Variants in VWC2 observed in about 807,000 individuals in gnomAD.
The protein encoded by VWC2 is von Willebrand factor C domain containing 2.
Under a neutral mutation model 29.8 loss-of-function variants are expected in VWC2, and 14 were observed. The observed-to-expected ratio is 0.47, with a 90% confidence interval of 0.31 to 0.74. VWC2 has a LOEUF of 0.74. Ranked by LOEUF, VWC2 falls within the 30% of genes least tolerant of loss-of-function variation. VWC2 has a pLI of 0.05. For missense variants in VWC2, 457 were observed against 459.8 expected, an observed-to-expected ratio of 0.99 and a Z score of 0.05; for synonymous variants, 213 against 199.0, an observed-to-expected ratio of 1.07 and a Z score of -0.59.
intron 3 of VWC2, among the ~76,000 whole-genome samples, chr7:49,808,267 C>G (rs1375980744): frequency 6.6e-6 from 1 of 151,976 alleles, no homozygotes; most frequent in Non-Finnish European, 1.5e-5. Context: ...AATTGTATAT[C>G]TAATTTTAAA....
intron 3 of VWC2, among the ~76,000 whole-genome samples, chr7:49,857,185 T>A (rs1374893078): frequency 6.6e-6 from 1 of 152,102 alleles, no homozygotes; most frequent in Non-Finnish European, 1.5e-5. Context: ...ACTTTCTACT[T>A]ACCCCTACCC....
At chr7:49,837,579 G>A (rs1789693507) in intron 3 of VWC2, among the ~76,000 whole-genome samples, 1 of 152,170 alleles carries the variant, frequency 6.6e-6, no homozygotes, top group Non-Finnish European at 1.5e-5. Flanking sequence ...ATCAGTCATG[G>A]CACTTGCTGG....
intron 3 of VWC2, among the ~76,000 whole-genome samples, chr7:49,853,624 C>A (rs993295206): frequency 1.3e-5 from 2 of 151,830 alleles, no homozygotes; most frequent in Non-Finnish European, 2.9e-5. Context: ...ACATACTTTA[C>A]GTAACATAAA....
At chr7:49,824,293 G>A (rs930414399) in intron 3 of VWC2, among the ~76,000 whole-genome samples, 1 of 152,116 alleles carries the variant, frequency 6.6e-6, no homozygotes, top group Non-Finnish European at 1.5e-5. Flanking sequence ...TTTTGCCCAT[G>A]TTGATATCTA....
At chr7:49,815,807 A>G (rs1200455888) in intron 3 of VWC2, among the ~76,000 whole-genome samples, 1 of 152,212 alleles carries the variant, frequency 6.6e-6, no homozygotes, top group Non-Finnish European at 1.5e-5. Context: ...CTTTGTGTCA[A>G]TTAAATACCA....
chr7:49,784,685 G>A (rs1336820469), intron 2 of VWC2, among the ~76,000 whole-genome samples: 1 of 152,250 alleles, frequency 6.6e-6, no homozygotes, highest in Non-Finnish European at 1.5e-5. Context: ...ATTGCCATCT[G>A]TAGCAGGCTT....
At chr7:49,848,830 A>G (rs1242188421) in intron 3 of VWC2, among the ~76,000 whole-genome samples, 1 of 152,226 alleles carries the variant, frequency 6.6e-6, no homozygotes, top group Non-Finnish European at 1.5e-5. Context: ...CTTTTATAGT[A>G]TAGTCAATAA....
chr7:49,796,854 C>T (rs182751777), intron 2 of VWC2, among the ~76,000 whole-genome samples: 12 of 152,286 alleles, frequency 7.9e-5, no homozygotes, highest in Non-Finnish European at 1.6e-4. Flanking sequence ...TTAAATGCTA[C>T]TCATATAGGA....
intron 3 of VWC2, among the ~76,000 whole-genome samples, chr7:49,911,757 T>C (rs1404399979): frequency 1.3e-5 from 2 of 151,524 alleles, no homozygotes; most frequent in Non-Finnish European, 2.9e-5. Flanking sequence ...ACTAGCTGGG[T>C]ATAGTGGCAT....
At chr7:49,890,392 G>A (rs950682882) in intron 3 of VWC2, among the ~76,000 whole-genome samples, 2 of 152,202 alleles carry the variant, frequency 1.3e-5, no homozygotes, top group African/African-American at 4.8e-5. Context: ...ACAACAGTCA[G>A]TATGGAAAGG....
At chr7:49,903,846 A>C (rs1283558954) in intron 3 of VWC2, among the ~76,000 whole-genome samples, 1 of 152,134 alleles carries the variant, frequency 6.6e-6, no homozygotes, top group Non-Finnish European at 1.5e-5. Context: ...CTCTCTCTCT[A>C]GTGAGAGAGA....
chr7:49,878,433 G>A (rs1447652466), intron 3 of VWC2, among the ~76,000 whole-genome samples: 1 of 152,018 alleles, frequency 6.6e-6, no homozygotes, highest in Admixed American at 6.6e-5. Flanking sequence ...TTGTTTATTT[G>A]AAACTGTCTG....
rs1045276551 is a variant in VWC2, at chr7:49,917,977, A to G, written c.*5792A>G. On this transcript the variant is annotated 3_prime_UTR_variant, in exon 4 of 4. Transcript: ENST00000340652. The stretch of plus-strand genomic sequence containing the variant: ...ATAATTCTTATAATGGAAAAAAGTG[A>G]AAAGTATCCAGTAAGTAATATACAC... 1.5e-4 allele frequency: 23 copies of G among 152,182 alleles called. No individual in the cohort carries two copies. The allele number at this position is 152,182 out of a possible 1,614,324, so 9.4% of individuals were successfully genotyped here. A position where few individuals can be genotyped will look rare whatever the true frequency, so the allele number is the denominator to read the frequency against.
At chr7:49,804,701 C>T (rs577767602) in intron 3 of VWC2, among the ~76,000 whole-genome samples, 1 of 152,178 alleles carries the variant, frequency 6.6e-6, no homozygotes, top group South Asian at 2.1e-4. Context: ...AATAACTGTC[C>T]AGTGAACAAT....
At chr7:49,800,047 T>C (rs1445398771) in intron 2 of VWC2, among the ~76,000 whole-genome samples, 1 of 152,230 alleles carries the variant, frequency 6.6e-6, no homozygotes, top group Non-Finnish European at 1.5e-5. Context: ...AAATATTTAA[T>C]GACAATATAA....
chr7:49,788,629 G>C (rs1234344492), intron 2 of VWC2, among the ~76,000 whole-genome samples: 2 of 87,026 alleles, frequency 2.3e-5, no homozygotes, highest in Non-Finnish European at 4.2e-5. Context: ...GGGTGTGTGA[G>C]TGAGTGTGTG....
intron 3 of VWC2, among the ~76,000 whole-genome samples, chr7:49,873,277 T>C (rs1791250499): frequency 6.6e-6 from 1 of 152,186 alleles, no homozygotes; most frequent in African/African-American, 2.4e-5. Flanking sequence ...TCAAGAGGCC[T>C]GCAGATTCAG....
intron 2 of VWC2, among the ~76,000 whole-genome samples, chr7:49,793,806 T>A (rs921516628): frequency 5.9e-5 from 9 of 152,292 alleles, no homozygotes; most frequent in African/African-American, 2.2e-4. Context: ...ACTTCAAAGT[T>A]AATAACCAAC....
chr7:49,888,516 G>A (rs1319159021), intron 3 of VWC2, among the ~76,000 whole-genome samples: 7 of 152,158 alleles, frequency 4.6e-5, no homozygotes, highest in African/African-American at 9.7e-5. Flanking sequence ...GTTAAGACCA[G>A]TTCAGAAGGA....
Sources: gnomAD v4.1 joint callset for allele counts (sites outside exome capture counted in the v4.1 genomes callset) on GRCh38, gnomAD v4.1.1 for gene constraint, MANE v1.5 for transcripts, NCBI Gene and HGNC (gene_info 2026-07-23, HGNC 2026-07-21) for gene names.